The following GRID2 variants were observed in gnomAD, a reference collection of about 807,000 sequenced individuals.
The protein encoded by GRID2 is glutamate receptor ionotropic, delta-2.
GRID2 carries 33 observed loss-of-function variants against 114.8 expected under a neutral mutation model. The ratio of observed to expected loss-of-function variants is 0.29; its 90% CI spans 0.22 to 0.38. The LOEUF is 0.38. Among genes scored for constraint, GRID2 ranks in the 10% least tolerant of loss-of-function variants. The probability of loss-of-function intolerance (pLI) is 1.00; values close to 1 mark genes in which losing one functional copy is unlikely to be tolerated. For missense variants in GRID2, 1,184 were observed against 1,257.7 expected (o/e 0.94, Z 0.89); for synonymous variants, 505 against 449.9 (o/e 1.12, Z -1.55).
chr4:92,389,157 A>T (rs750764401), intron 1 of GRID2, among the ~76,000 whole-genome samples: 20 of 147,952 alleles, frequency 1.4e-4, no homozygotes, highest in Non-Finnish European at 2.7e-4. Flanking sequence ...TTAATAAGAT[A>T]TATTTCTGTA....
chr4:92,725,946 A>C (rs1477765314), intron 2 of GRID2, among the ~76,000 whole-genome samples: 1 of 152,148 alleles, frequency 6.6e-6, no homozygotes, highest in Non-Finnish European at 1.5e-5. Context: ...AATTGTAAGA[A>C]AACTGAGAGA....
intron 4 of GRID2, among the ~76,000 whole-genome samples, chr4:93,118,660 A>T (rs1263173942): frequency 6.6e-6 from 1 of 152,186 alleles, no homozygotes; most frequent in African/African-American, 2.4e-5. Flanking sequence ...GAATTTTTGC[A>T]TCTGAAAAGA....
intron 2 of GRID2, among the ~76,000 whole-genome samples, chr4:92,906,232 C>G (rs1289440942): frequency 6.8e-6 from 1 of 148,114 alleles, no homozygotes; most frequent in African/African-American, 2.5e-5. Flanking sequence ...TTTTAGAAAT[C>G]TGTAGACCTG....
chr4:92,359,616 G>T (rs907861544), intron 1 of GRID2, among the ~76,000 whole-genome samples: 1 of 151,924 alleles, frequency 6.6e-6, no homozygotes, highest in Non-Finnish European at 1.5e-5. Context: ...TTTCAATAGA[G>T]CATAGCCCCT....
chr4:92,543,151 TATATA>T (rs1224703767), intron 1 of GRID2, among the ~76,000 whole-genome samples: 1 of 152,078 alleles, frequency 6.6e-6, no homozygotes, highest in Non-Finnish European at 1.5e-5. Flanking sequence ...AAAAGAAAGA[TATATA>T]ATATAATATT....
At chr4:93,029,703 GT>G (rs547638448) in intron 2 of GRID2, among the ~76,000 whole-genome samples, 11 of 151,754 alleles carry the variant, frequency 7.2e-5, no homozygotes, top group Non-Finnish European at 1.2e-4. Context: ...ATAGCATCAG[GT>G]TTTTTTTAAT....
At chr4:92,337,631 C>T (rs1240906549) in intron 1 of GRID2, among the ~76,000 whole-genome samples, 1 of 152,148 alleles carries the variant, frequency 6.6e-6, no homozygotes, top group Non-Finnish European at 1.5e-5. Flanking sequence ...CTACCAAACA[C>T]TTATGAAACC....
chr4:93,268,915 A>G (rs540588788), intron 8 of GRID2, among the ~76,000 whole-genome samples: 7 of 152,308 alleles, frequency 4.6e-5, no homozygotes, highest in Non-Finnish European at 1.0e-4. Context: ...GAACTGAGTG[A>G]ACGAGTCTCC....
At chr4:92,869,238 A>G (rs1222401422) in intron 2 of GRID2, among the ~76,000 whole-genome samples, 8 of 152,192 alleles carry the variant, frequency 5.3e-5, no homozygotes, top group Non-Finnish European at 7.4e-5. Context: ...TGTCTAATTT[A>G]TAGCAATATA....
At chr4:93,652,784 T>TAA (rs200098114) in intron 14 of GRID2, among the ~76,000 whole-genome samples, 4,399 of 85,802 alleles carry the variant, frequency 0.051, 243 homozygotes, top group East Asian at 0.19. Flanking sequence ...CAGTAAATGC[T>TAA]AAAAAAAAAA....
chr4:92,463,412 G>A, intron 1 of GRID2, among the ~76,000 whole-genome samples: 1 of 151,952 alleles, frequency 6.6e-6, no homozygotes, highest in South Asian at 2.1e-4. Context: ...TATTTATTAT[G>A]ATAACAATTT....
chr4:93,131,516 A>T (rs1477698900), intron 4 of GRID2, among the ~76,000 whole-genome samples: 1 of 151,874 alleles, frequency 6.6e-6, no homozygotes, highest in African/African-American at 2.4e-5. Flanking sequence ...AGGAGGTTAA[A>T]ATAACTAGTA....
At chr4:93,746,273 G>A (rs981745030) in intron 14 of GRID2, among the ~76,000 whole-genome samples, 4 of 152,092 alleles carry the variant, frequency 2.6e-5, no homozygotes, top group Admixed American at 6.6e-5. Context: ...AGCTACAAAA[G>A]TAAATACCAT....
At chr4:92,919,170 T>C (rs566458917) in intron 2 of GRID2, among the ~76,000 whole-genome samples, 1 of 152,144 alleles carries the variant, frequency 6.6e-6, no homozygotes, top group African/African-American at 2.4e-5. Context: ...TGATGGTGGT[T>C]TGTATTTCTT....
intron 9 of GRID2, among the ~76,000 whole-genome samples, chr4:93,405,112 A>T (rs1766281653): frequency 6.6e-6 from 1 of 152,242 alleles, no homozygotes; most frequent in South Asian, 2.1e-4. Flanking sequence ...TTTATTATTG[A>T]AACAGTGTAA....
chr4:92,967,413 T>C (rs1405747976), intron 2 of GRID2, among the ~76,000 whole-genome samples: 3 of 152,050 alleles, frequency 2.0e-5, no homozygotes, highest in Non-Finnish European at 4.4e-5. Context: ...AGTGTTTTTG[T>C]ATTTAGTCTA....
intron 14 of GRID2, among the ~76,000 whole-genome samples, chr4:93,703,705 C>A (rs1727728087): frequency 7.3e-6 from 1 of 136,386 alleles, no homozygotes; most frequent in African/African-American, 2.8e-5. Context: ...TCCATGTGTT[C>A]TCATTGTTCA....
At position 93,287,076 on chromosome 4, in the gene GRID2, T is replaced by G. The variant is rs562581271; in HGVS notation, c.1245+48586T>G. 1.1e-3 allele frequency among the ~76,000 whole-genome samples: 167 copies of G among 152,142 alleles called. 1 individual carries two copies. The highest frequency in any genetic ancestry group is 1.9e-3 in the Non-Finnish European group (127 of 67,982). ...TCATAGTAGATAACTCAGTAAAAAT[T>G]GTTCTCCTTCTATTTCTTATAACTT... On this transcript the variant is annotated intron_variant, in intron 8 of 15. Coordinates refer to ENST00000282020, the MANE Select transcript of GRID2 (RefSeq NM_001510.4).
At chr4:93,059,811 A>T (rs955193952) in intron 2 of GRID2, among the ~76,000 whole-genome samples, 1 of 135,494 alleles carries the variant, frequency 7.4e-6, no homozygotes, top group Non-Finnish European at 1.6e-5. Flanking sequence ...AGTGATCTTT[A>T]AAAAAAAAAA....
Sources: allele counts gnomAD v4.1 joint callset (sites outside exome capture counted in the v4.1 genomes callset), GRCh38; gene constraint gnomAD v4.1.1; transcripts MANE v1.5; gene names NCBI Gene and HGNC (gene_info 2026-07-23, HGNC 2026-07-21).